Variants in KCNK10 observed in about 807,000 individuals in gnomAD.
KCNK10 encodes the protein potassium channel subfamily K member 10.
A neutral mutation model predicts 47.7 loss-of-function variants in KCNK10; 25 were observed. That is an observed-to-expected ratio of 0.52 (90% CI 0.38 to 0.73). The LOEUF (loss-of-function observed/expected upper bound fraction) is 0.73. Ranked by LOEUF, KCNK10 falls within the 30% of genes least tolerant of loss-of-function variation. KCNK10 has a pLI of 0.00. For missense variants in KCNK10, 563 were observed against 714.5 expected (o/e 0.79, Z 2.42); for synonymous variants, 303 against 285.6 (o/e 1.06, Z -0.61).
At chr14:88,319,375 G>C (rs935102986) in intron 1 of KCNK10, among the ~76,000 whole-genome samples, 2 of 152,164 alleles carry the variant, frequency 1.3e-5, no homozygotes, top group African/African-American at 2.4e-5. Context: ...CATGTCTGTT[G>C]ATAGACATAT....
intron 3 of KCNK10, among the ~76,000 whole-genome samples, chr14:88,229,235 C>T (rs977381129): frequency 6.6e-6 from 1 of 152,102 alleles, no homozygotes. Context: ...AAGTGCTACA[C>T]CCCCTTCCTC....
intron 4 of KCNK10, among the ~76,000 whole-genome samples, chr14:88,219,276 C>T (rs1271859884): frequency 6.6e-6 from 1 of 152,260 alleles, no homozygotes; most frequent in Non-Finnish European, 1.5e-5. Flanking sequence ...TTACCATCCA[C>T]TACTATTCTT....
intron 3 of KCNK10, among the ~76,000 whole-genome samples, chr14:88,227,787 A>G (rs999541536): frequency 6.6e-6 from 1 of 152,194 alleles, no homozygotes; most frequent in African/African-American, 2.4e-5. Flanking sequence ...CAGAACTTTC[A>G]TTTTCATTTC....
chr14:88,272,050 T>C (rs372039), intron 1 of KCNK10, among the ~76,000 whole-genome samples: 9,818 of 151,956 alleles, frequency 0.065, 423 homozygotes, highest in East Asian at 0.092. Context: ...ACCCCTACCA[T>C]AGGTCTGTCT....
In KCNK10 at chr14:88,260,291, T is replaced by C. The variant is rs1053842615; in HGVS notation, c.402+2911A>G. On this transcript the variant is annotated intron_variant, in intron 2 of 6. Transcript: ENST00000319231. This position sits in a 1 kb window ranked among gnomAD's most constrained non-coding sequence, Gnocchi z 4.5. ...GTAGCATCCCTCCCTTTGCTCTCTCTTCCTCCTGCTCCAGCCATATAGGAC... is the reference window on the plus strand; with the variant it reads ...GTAGCATCCCTCCCTTTGCTCTCTCCTCCTCCTGCTCCAGCCATATAGGAC... Among the ~76,000 whole-genome samples the C allele has an allele frequency of 2.6e-5, 4 of 152,156 alleles. No homozygotes were observed. The highest frequency in any genetic ancestry group is 5.9e-5 in the Non-Finnish European group (4 of 68,026).
At chr14:88,276,209 T>C (rs1301584539) in intron 1 of KCNK10, among the ~76,000 whole-genome samples, 1 of 145,072 alleles carries the variant, frequency 6.9e-6, no homozygotes, top group Non-Finnish European at 1.5e-5. Context: ...TGGGGGGTGA[T>C]TAGATGGTGA....
rs567397108 is a variant in KCNK10, at chr14:88,251,928, T to G, written c.403-11108A>C. Among the ~76,000 whole-genome samples the G allele has an allele frequency of 2.2e-4, 33 of 152,218 alleles. 1 individual carries two copies. The South Asian group carries it at 6.8e-3, about 32-fold the overall frequency. On this transcript the variant is annotated intron_variant, in intron 2 of 6. Coordinates refer to ENST00000319231, the MANE Select transcript of KCNK10 (RefSeq NM_138317.3). ...GGAATCTTTGTCCTACTAAATCAGTTCTCCTATTTGGGTGTCCCATAGCTC... is the reference window on the plus strand; with the variant it reads ...GGAATCTTTGTCCTACTAAATCAGTGCTCCTATTTGGGTGTCCCATAGCTC...
intron 4 of KCNK10, among the ~76,000 whole-genome samples, chr14:88,220,332 G>A (rs1185899424): frequency 2.1e-5 from 3 of 144,914 alleles, no homozygotes; most frequent in African/African-American, 7.7e-5. Flanking sequence ...CAGGAGAATG[G>A]CGTGAACCCG....
chr14:88,198,844 A>G (rs893757961), intron 4 of KCNK10, among the ~76,000 whole-genome samples: 8 of 151,880 alleles, frequency 5.3e-5, no homozygotes, highest in South Asian at 2.1e-4. Flanking sequence ...ATTCTTCAGT[A>G]TAAAGGGAAT....
Position 88,181,087 on chromosome 14 carries a change from G to A in KCNK10, c.*4448C>T, listed in dbSNP as rs954115853. The A allele has an allele frequency of 3.7e-5, 13 of 354,842 alleles. No individual in the cohort carries two copies. Among genetic ancestry groups the A allele is most frequent in the African/African-American group, 1.7e-4 (8 of 47,494 alleles). The allele number at this position is 354,842 out of a possible 1,614,324, so 22.0% of individuals were successfully genotyped here. A position where few individuals can be genotyped will look rare whatever the true frequency, so the allele number is the denominator to read the frequency against. On this transcript the variant is annotated 3_prime_UTR_variant, in exon 7 of 7. Transcript: ENST00000319231. ...AACACTGGCTGGTTTTTCCTTTCTCGTTTTACAGGGGCTCTGAATGTTTGT... is the reference window on the plus strand; with the variant it reads ...AACACTGGCTGGTTTTTCCTTTCTCATTTTACAGGGGCTCTGAATGTTTGT...
At chr14:88,271,049 G>A in intron 1 of KCNK10, 1 of 491,280 alleles carries the variant, frequency 2.0e-6, no homozygotes, top group Middle Eastern at 5.2e-4. Context: ...AGAGAAACAG[G>A]TCTCGCTTCC....
chr14:88,297,599 A>G (rs552690151), intron 1 of KCNK10, among the ~76,000 whole-genome samples: 1 of 152,286 alleles, frequency 6.6e-6, no homozygotes, highest in Admixed American at 6.5e-5. Context: ...TTGTCTGTCG[A>G]CTTCCAGCTG....
chr14:88,222,029 T>G lies in KCNK10; in HGVS notation c.681+5346A>C, dbSNP rs1406453679. Among the ~76,000 whole-genome samples the G allele has an allele frequency of 8.5e-5, 13 of 152,236 alleles. No individual in the cohort carries two copies. The East Asian group carries it at 2.1e-3, about 25-fold the overall frequency. On this transcript the variant is annotated intron_variant, in intron 4 of 6. Coordinates refer to ENST00000319231, the MANE Select transcript of KCNK10 (RefSeq NM_138317.3). ...CTGCTGATAAAGACATATCTGAAAC[T>G]GGGAACAAAAAGAGGCTTAATTGGA...
At chr14:88,282,190 A>T (rs1887666044) in intron 1 of KCNK10, among the ~76,000 whole-genome samples, 1 of 152,246 alleles carries the variant, frequency 6.6e-6, no homozygotes, top group Non-Finnish European at 1.5e-5. Context: ...TTATTTACTT[A>T]AAAAGGAATC....
At position 88,185,891 on chromosome 14, in the gene KCNK10, T is replaced by C; in HGVS notation, c.1276A>G (p.Asn426Asp). The C allele has an allele frequency of 6.2e-7, 1 of 1,614,096 alleles. No homozygotes were observed. Among genetic ancestry groups the C allele is most frequent in the Non-Finnish European group, 8.5e-7 (1 of 1,180,008 alleles). Residue 426 changes from asparagine (N) to aspartate (D), a missense_variant, in exon 7 of 7, where the codon AAC becomes GAC. Physicochemically the swap from Asn to Asp is conservative, Grantham distance 23 (BLOSUM62 1). Coordinates refer to ENST00000319231, the MANE Select transcript of KCNK10 (RefSeq NM_138317.3). This position sits in a 1 kb window ranked among gnomAD's most constrained non-coding sequence, Gnocchi z 4.3. ...TCCGGCCCCTTCAGGCGCAGGTTGT[T>C]GGGCCGGTTGTTGATGCTCTCCTGG... The part of the protein sequence containing the change: ...SSQESINNRP[N>D]NLRLKGPEQL...
At chr14:88,232,902 G>A (rs1296142404) in intron 3 of KCNK10, among the ~76,000 whole-genome samples, 1 of 152,198 alleles carries the variant, frequency 6.6e-6, no homozygotes, top group East Asian at 1.9e-4. Context: ...ACAGCTCCTA[G>A]GCAGCCAGGA....
chr14:88,314,826 A>G (rs1224945365), intron 1 of KCNK10, among the ~76,000 whole-genome samples: 1 of 152,242 alleles, frequency 6.6e-6, no homozygotes, highest in Admixed American at 6.5e-5. Flanking sequence ...TGCATGTATC[A>G]CTTTATGTAA....
chr14:88,295,425 C>A lies in KCNK10; in HGVS notation c.52+27322G>T, dbSNP rs977314183. Among the ~76,000 whole-genome samples, 6 of 152,202 alleles carry A rather than the reference C, an allele frequency of 3.9e-5. No individual in the cohort carries two copies. The East Asian group carries it at 7.7e-4, about 20-fold the overall frequency. ...CTATAATCCCAGCATTTTGGGAGGC[C>A]GAGGCAGGCAGATCACCTGAGGTCA... On this transcript the variant is annotated intron_variant, in intron 1 of 6. Transcript: ENST00000319231.
chr14:88,230,322 T>G (rs1449028895), intron 3 of KCNK10, among the ~76,000 whole-genome samples: 1 of 152,168 alleles, frequency 6.6e-6, no homozygotes, highest in Non-Finnish European at 1.5e-5. Context: ...GTGGTGACTT[T>G]CAGCAGAAGA....
Sources: allele counts gnomAD v4.1 joint callset (sites outside exome capture counted in the v4.1 genomes callset), GRCh38; gene constraint gnomAD v4.1.1; non-coding constraint Gnocchi (gnomAD v3.1); transcripts MANE v1.5; gene names NCBI Gene and HGNC (gene_info 2026-07-23, HGNC 2026-07-21).